Variants in ADAM32 observed in about 807,000 individuals in gnomAD.
ADAM32 encodes ADAM metallopeptidase domain 32.
In ADAM32, 89 loss-of-function variants were observed where a neutral mutation model predicts 114.9. The observed-to-expected ratio is 0.77, with a 90% CI of 0.65 to 0.92. The LOEUF (loss-of-function observed/expected upper bound fraction) is 0.92, where lower values mean the gene tolerates loss of function less well. Among genes scored for constraint, ADAM32 ranks in the 40% least tolerant of loss-of-function variants. ADAM32 has a pLI of 0.00. For missense variants in ADAM32, 870 were observed against 932.8 expected, an observed-to-expected ratio of 0.93 and a Z score of 0.88; for synonymous variants, 285 against 307.5, an observed-to-expected ratio of 0.93 and a Z score of 0.77.
At chr8:39,158,871 T>G (rs907168138) in intron 6 of ADAM32, among the ~76,000 whole-genome samples, 4 of 152,198 alleles carry the variant, frequency 2.6e-5, no homozygotes, top group Non-Finnish European at 5.9e-5. Flanking sequence ...TTCCTTTTTA[T>G]AATTTCTATA....
At chr8:39,188,633 A>C (rs1449068370) in intron 11 of ADAM32, among the ~76,000 whole-genome samples, 1 of 152,162 alleles carries the variant, frequency 6.6e-6, no homozygotes, top group African/African-American at 2.4e-5. Context: ...TCTACAGGGC[A>C]GTTCCTATTA....
At chr8:39,108,822 G>T (rs1271828582) in intron 1 of ADAM32, among the ~76,000 whole-genome samples, 1 of 152,160 alleles carries the variant, frequency 6.6e-6, no homozygotes, top group African/African-American at 2.4e-5. Flanking sequence ...GTTAGATTAG[G>T]GTGAGTGTTC....
At chr8:39,274,398 A>G in intron 21 of ADAM32, 48 bp downstream of exon 21, 1 of 1,559,298 alleles carries the variant, frequency 6.4e-7, no homozygotes, top group Non-Finnish European at 8.8e-7. Flanking sequence ...AAAATTAAGA[A>G]TTTATTGATA....
At chr8:39,187,852 A>C (rs954462556) in intron 11 of ADAM32, among the ~76,000 whole-genome samples, 1 of 152,192 alleles carries the variant, frequency 6.6e-6, no homozygotes, top group African/African-American at 2.4e-5. Context: ...AAAAGAAAAA[A>C]TGAAATAGGA....
intron 16 of ADAM32, among the ~76,000 whole-genome samples, chr8:39,239,867 A>G (rs1810440615): frequency 3.9e-5 from 6 of 152,222 alleles, no homozygotes; most frequent in African/African-American, 1.4e-4. Context: ...CTAGTCCAAT[A>G]GGAAAAAAAT....
rs529822483 is a variant in ADAM32, at chr8:39,151,120, C to T, written c.354-257C>T. ...GGAAAACAATAGAATTACTCAATTACTGTTATGCTATATACTTGTGTACCT... is the reference window on the plus strand; with the variant it reads ...GGAAAACAATAGAATTACTCAATTATTGTTATGCTATATACTTGTGTACCT... On this transcript the variant is annotated intron_variant, in intron 5 of 24. Transcript: ENST00000379907. Among the ~76,000 whole-genome samples the T allele has an allele frequency of 6.6e-5, 10 of 152,246 alleles. No individual in the cohort carries two copies. In the South Asian group the frequency reaches 1.2e-3, roughly 19 times the overall value.
At chr8:39,209,482 C>T (rs1808066522) in intron 11 of ADAM32, among the ~76,000 whole-genome samples, 1 of 151,990 alleles carries the variant, frequency 6.6e-6, no homozygotes, top group African/African-American at 2.4e-5. Context: ...TTACTGGTGC[C>T]TTATTTATTA....
chr8:39,145,805 C>T lies in ADAM32; in HGVS notation c.201-1325C>T, dbSNP rs561906117. ...GGAAAGCAGTGGTGGCATCTCAGCTCACTGCAGCCTTGAACTCCTGGCTCA... is the reference window on the plus strand; with the variant it reads ...GGAAAGCAGTGGTGGCATCTCAGCTTACTGCAGCCTTGAACTCCTGGCTCA... On this transcript the variant is annotated intron_variant, in intron 3 of 24. Coordinates refer to ENST00000379907, the MANE Select transcript of ADAM32 (RefSeq NM_145004.7). 5.9e-5 allele frequency among the ~76,000 whole-genome samples: 9 copies of T among 152,238 alleles called. No homozygotes were observed. In the East Asian group the frequency reaches 1.7e-3, roughly 29 times the overall value.
intron 11 of ADAM32, among the ~76,000 whole-genome samples, chr8:39,194,860 T>C (rs1395022658): frequency 6.6e-6 from 1 of 152,164 alleles, no homozygotes; most frequent in East Asian, 1.9e-4. Context: ...GCTCTACTAC[T>C]GACACTCCTG....
Position 39,202,546 on chromosome 8 carries a change from C to T in ADAM32, c.1053-8598C>T, listed in dbSNP as rs188084204. 6.7e-4 allele frequency among the ~76,000 whole-genome samples: 102 copies of T among 152,264 alleles called. 1 individual carries two copies. Among genetic ancestry groups the T allele is most frequent in the African/African-American group, 2.2e-3 (93 of 41,544 alleles). Reference sequence around the variant, plus strand: ...CTTCTTTGTTAGTCTTGCTAGCAGTCTATCAATTTTGTTGATCTTTTCAAA... The same window carrying T: ...CTTCTTTGTTAGTCTTGCTAGCAGTTTATCAATTTTGTTGATCTTTTCAAA... On this transcript the variant is annotated intron_variant, in intron 11 of 24. Transcript: ENST00000379907.
At position 39,284,821 on chromosome 8, in the gene ADAM32, G is replaced by T. The variant is rs1813677021; in HGVS notation, c.*22G>T. ...CTAGTGATTCCTTCAGAAGGCAACGGATAACATCGAGAGTCTCGCTAAGAA... is the reference window on the plus strand; with the variant it reads ...CTAGTGATTCCTTCAGAAGGCAACGTATAACATCGAGAGTCTCGCTAAGAA... On this transcript the variant is annotated 3_prime_UTR_variant, in exon 25 of 25. Coordinates refer to ENST00000379907, the MANE Select transcript of ADAM32 (RefSeq NM_145004.7). The T allele has an allele frequency of 6.2e-7, 1 of 1,613,072 alleles. No homozygotes were observed. Among genetic ancestry groups the T allele is most frequent in the South Asian group, 1.1e-5 (1 of 91,020 alleles).
chr8:39,140,430 G>A (rs1345068969), intron 3 of ADAM32, among the ~76,000 whole-genome samples: 1 of 152,116 alleles, frequency 6.6e-6, no homozygotes, highest in Non-Finnish European at 1.5e-5. Flanking sequence ...TTTATCATTG[G>A]TTCTGTTTAT....
At chr8:39,215,233 T>A (rs1808481430) in intron 12 of ADAM32, among the ~76,000 whole-genome samples, 2 of 152,056 alleles carry the variant, frequency 1.3e-5, no homozygotes, top group South Asian at 4.1e-4. Flanking sequence ...GGTATTTTGA[T>A]AGAGATTGCA....
intron 11 of ADAM32, among the ~76,000 whole-genome samples, chr8:39,197,936 T>C (rs570423280): frequency 7.9e-5 from 12 of 152,182 alleles, no homozygotes; most frequent in Non-Finnish European, 1.6e-4. Context: ...ACAACTATTA[T>C]TGTATTGGGG....
At chr8:39,156,004 T>C (rs1211064237) in intron 6 of ADAM32, among the ~76,000 whole-genome samples, 1 of 152,200 alleles carries the variant, frequency 6.6e-6, no homozygotes, top group Non-Finnish European at 1.5e-5. Context: ...AATTATCTAA[T>C]AACATTAAGC....
chr8:39,203,996 G>T (rs1321721908), intron 11 of ADAM32, among the ~76,000 whole-genome samples: 1 of 152,210 alleles, frequency 6.6e-6, no homozygotes, highest in Admixed American at 6.5e-5. Context: ...TCTGCTGAGA[G>T]ATCCGCTGTT....
intron 10 of ADAM32, among the ~76,000 whole-genome samples, chr8:39,170,679 G>A (rs771933789): frequency 2.6e-5 from 4 of 151,868 alleles, no homozygotes; most frequent in Non-Finnish European, 5.9e-5. Flanking sequence ...TTGCCACCAG[G>A]TGGAGATAAC....
chr8:39,237,803 G>A (rs1161549478), intron 16 of ADAM32, among the ~76,000 whole-genome samples: 1 of 152,152 alleles, frequency 6.6e-6, no homozygotes, highest in East Asian at 1.9e-4. Context: ...ACCTGCCCTG[G>A]TAGCTGAAGA....
At chr8:39,271,788 G>A (rs970799137) in intron 20 of ADAM32, among the ~76,000 whole-genome samples, 5 of 152,024 alleles carry the variant, frequency 3.3e-5, no homozygotes, top group African/African-American at 9.7e-5. Context: ...TTACAAAATT[G>A]AAAATGGGTA....
Sources: allele counts gnomAD v4.1 joint callset (sites outside exome capture counted in the v4.1 genomes callset), GRCh38; gene constraint gnomAD v4.1.1; transcripts MANE v1.5; gene names NCBI Gene and HGNC (gene_info 2026-07-23, HGNC 2026-07-21).